ASIC2: variants seen among roughly 807,000 people sequenced by gnomAD.
ASIC2 encodes acid-sensing ion channel 2.
ASIC2 carries 25 observed loss-of-function variants against 57.3 expected under a neutral mutation model. The observed-to-expected ratio is 0.44, with a 90% CI of 0.32 to 0.61. The LOEUF is 0.61. Among genes scored for constraint, ASIC2 ranks in the 20% least tolerant of loss-of-function variants. The pLI is 0.06. For missense variants in ASIC2, 641 were observed against 738.1 expected (o/e 0.87, Z 1.52); for synonymous variants, 319 against 307.5 (o/e 1.04, Z -0.39).
At chr17:34,130,923 A>C (rs1413857074) in intron 1 of ASIC2, among the ~76,000 whole-genome samples, 2 of 152,260 alleles carry the variant, frequency 1.3e-5, no homozygotes, top group South Asian at 4.1e-4. Context: ...CAATGGACAG[A>C]GAACAAGTAT....
intron 1 of ASIC2, among the ~76,000 whole-genome samples, chr17:33,137,531 G>C (rs1174651578): frequency 1.3e-5 from 2 of 152,252 alleles, no homozygotes; most frequent in Admixed American, 6.5e-5. Context: ...CTGGGGCTTA[G>C]CCCTGCAGGG....
At chr17:33,606,004 C>T (rs1011589618) in intron 1 of ASIC2, among the ~76,000 whole-genome samples, 1 of 152,212 alleles carries the variant, frequency 6.6e-6, no homozygotes, top group Non-Finnish European at 1.5e-5. Flanking sequence ...CATTGATTTC[C>T]AGCTCTCAGT....
chr17:33,800,838 A>G, intron 1 of ASIC2, among the ~76,000 whole-genome samples: 1 of 152,208 alleles, frequency 6.6e-6, no homozygotes, highest in East Asian at 1.9e-4. Flanking sequence ...GGTGGGTATT[A>G]TTATCATTAC....
In ASIC2 at chr17:33,506,238, CAAAA is replaced by C. The variant is rs533194191; in HGVS notation, c.556-394175_556-394172del. On this transcript the variant is annotated intron_variant, in intron 1 of 9. Coordinates refer to the ASIC2 transcript ENST00000359872. ...TGAAACCCCATCTCTACTAAAAATACAAAAAAAAAAAAAAAAAAGAAAAAATTAG... is the reference window on the plus strand; with the variant it reads ...TGAAACCCCATCTCTACTAAAAATACAAAAAAAAAAAAAAGAAAAAATTAG... 9.4e-3 allele frequency among the ~76,000 whole-genome samples: 1,072 copies of C among 114,098 alleles called. 19 individuals carry two copies. Among genetic ancestry groups the C allele is most frequent in the African/African-American group, 0.031 (986 of 31,534 alleles). The allele number at this position is 114,098 out of a possible 152,430, so 74.9% of individuals were successfully genotyped here.
intron 1 of ASIC2, among the ~76,000 whole-genome samples, chr17:33,971,496 C>T (rs73276667): frequency 0.017 from 2,658 of 152,210 alleles, 71 homozygotes; most frequent in African/African-American, 0.061. Flanking sequence ...TTTGTGAATC[C>T]CTGTCCCTGC....
chr17:33,058,407 T>C (rs2141936141), intron 3 of ASIC2, among the ~76,000 whole-genome samples: 1 of 140,992 alleles, frequency 7.1e-6, no homozygotes, highest in South Asian at 2.3e-4. Flanking sequence ...TGATTGAAAA[T>C]ACCTTTACTT....
rs181681776 is a variant in ASIC2, at chr17:33,199,625, T to C, written c.709-87558A>G. 3.5e-3 allele frequency among the ~76,000 whole-genome samples: 531 copies of C among 152,350 alleles called. 5 individuals are homozygous for C. The highest frequency in any genetic ancestry group is 0.012 in the African/African-American group (498 of 41,598). ...AATACATTTTAAGCTCCTTTCCCCT[T>C]TCCCTTAAGCTTGAACATGGCCCTG... On this transcript the variant is annotated intron_variant, in intron 1 of 9. Coordinates refer to ENST00000225823, the MANE Select transcript of ASIC2 (RefSeq NM_183377.2).
At chr17:33,357,190 C>T (rs1234502423) in intron 1 of ASIC2, among the ~76,000 whole-genome samples, 1 of 152,056 alleles carries the variant, frequency 6.6e-6, no homozygotes, top group Non-Finnish European at 1.5e-5. Context: ...CCCCAGCTTC[C>T]TCAGGAAGTC....
At chr17:33,990,830 T>C (rs528900873) in intron 1 of ASIC2, among the ~76,000 whole-genome samples, 4 of 152,266 alleles carry the variant, frequency 2.6e-5, no homozygotes, top group Admixed American at 2.6e-4. Context: ...CTAACATCTC[T>C]CCCACAGCAT....
chr17:33,544,854 G>T (rs1166025354), intron 1 of ASIC2, among the ~76,000 whole-genome samples: 2 of 149,048 alleles, frequency 1.3e-5, no homozygotes, highest in African/African-American at 4.9e-5. Flanking sequence ...TTTTTTTTTT[G>T]ACTCCAGTCC....
At chr17:34,142,958 G>T (rs892279691) in intron 1 of ASIC2, 3 of 152,158 alleles carry the variant, frequency 2.0e-5, no homozygotes, top group Non-Finnish European at 2.9e-5. Flanking sequence ...ACTTCTCCAG[G>T]TTCTCTACAT....
At chr17:33,692,178 A>G (rs1908392166) in intron 1 of ASIC2, 1 of 152,166 alleles carries the variant, frequency 6.6e-6, no homozygotes, top group Non-Finnish European at 1.5e-5. Flanking sequence ...AGCAATTAAT[A>G]TCAAACCTGC....
intron 1 of ASIC2, among the ~76,000 whole-genome samples, chr17:33,348,632 T>A (rs1597693565): frequency 6.6e-6 from 1 of 151,708 alleles, no homozygotes; most frequent in East Asian, 1.9e-4. Context: ...CATGGAGCAG[T>A]GAGGGGATGA....
chr17:33,209,742 C>T (rs574042854), intron 1 of ASIC2, among the ~76,000 whole-genome samples: 173 of 152,318 alleles, frequency 1.1e-3, no homozygotes, highest in African/African-American at 4.0e-3. Flanking sequence ...AGCATGAATA[C>T]ATGAGTGAAT....
intron 1 of ASIC2, among the ~76,000 whole-genome samples, chr17:33,711,091 C>T (rs906200920): frequency 2.0e-5 from 3 of 152,150 alleles, no homozygotes; most frequent in African/African-American, 7.2e-5. Context: ...GCTGAGATTA[C>T]AGGTGTGAGC....
In ASIC2 at chr17:33,949,288, T is replaced by G. The variant is rs78676880; in HGVS notation, c.555+206690A>C. On this transcript the variant is annotated intron_variant, in intron 1 of 9. Coordinates refer to the ASIC2 transcript ENST00000359872. The stretch of plus-strand genomic sequence containing the variant: ...CAGGGCACGAGCGAGAACTGGTCAC[T>G]TCTCTGAGGACCCTGCTCAGTGCAG... Among the ~76,000 whole-genome samples, 991 of 152,248 alleles carry G rather than the reference T, an allele frequency of 6.5e-3. 19 individuals carry two copies. Among genetic ancestry groups the G allele is most frequent in the South Asian group, 0.053 (256 of 4,822 alleles).
At chr17:33,068,841 G>A (rs1301371501) in intron 3 of ASIC2, among the ~76,000 whole-genome samples, 1 of 151,772 alleles carries the variant, frequency 6.6e-6, no homozygotes, top group Non-Finnish European at 1.5e-5. Flanking sequence ...ATTGATTTCG[G>A]CTGCAATCAT....
At chr17:34,111,717 C>T (rs181703460) in intron 1 of ASIC2, among the ~76,000 whole-genome samples, 57 of 152,322 alleles carry the variant, frequency 3.7e-4, no homozygotes, top group East Asian at 1.9e-4. Flanking sequence ...CGTTTCTTCT[C>T]CTACAAAACA....
chr17:33,083,326 GA>G (rs200996988), intron 3 of ASIC2, among the ~76,000 whole-genome samples: 1,921 of 152,268 alleles, frequency 0.013, 36 homozygotes, highest in African/African-American at 0.044. Context: ...CAGGAGCAGT[GA>G]TCCACATGAA....
Sources: gnomAD v4.1 joint callset for allele counts (sites outside exome capture counted in the v4.1 genomes callset) on GRCh38, gnomAD v4.1.1 for gene constraint, MANE v1.5 for transcripts, NCBI Gene and HGNC (gene_info 2026-07-23, HGNC 2026-07-21) for gene names.